KDM2B: variants seen among roughly 807,000 people sequenced by gnomAD.
KDM2B encodes lysine-specific demethylase 2B.
Under a neutral mutation model 150.0 loss-of-function variants are expected in KDM2B, and 26 were observed. The ratio of observed to expected loss-of-function variants is 0.17; its 90% CI spans 0.13 to 0.24. The LOEUF is 0.24. Among genes scored for constraint, KDM2B ranks in the 10% least tolerant of loss-of-function variants. The probability of loss-of-function intolerance (pLI) is 1.00; values close to 1 mark genes in which losing one functional copy is unlikely to be tolerated. For missense variants in KDM2B, 1,265 were observed against 1,816.9 expected, an observed-to-expected ratio of 0.70 and a Z score of 5.52; for synonymous variants, 734 against 729.5, an observed-to-expected ratio of 1.01 and a Z score of -0.10.
At chr12:121,550,424 C>G (rs1555311623) in intron 4 of KDM2B, among the ~76,000 whole-genome samples, 1 of 152,184 alleles carries the variant, frequency 6.6e-6, no homozygotes, top group African/African-American at 2.4e-5. Flanking sequence ...GTTAAACCAG[C>G]CAAAGGCCAC....
chr12:121,417,769 T>G, the KDM2B span: 27 of 1,614,108 alleles, frequency 1.7e-5, no homozygotes, highest in Non-Finnish European at 3.4e-6. The surrounding 1 kb of genome is among the most constrained non-coding windows in gnomAD (Gnocchi z 5.0). Flanking sequence ...ACAAGCAGTC[T>G]GAATTCTTCA....
At chr12:121,565,144 T>C (rs1184291347) in intron 4 of KDM2B, among the ~76,000 whole-genome samples, 1 of 151,712 alleles carries the variant, frequency 6.6e-6, no homozygotes, top group Non-Finnish European at 1.5e-5. Flanking sequence ...GAAAAGGAAA[T>C]CTTGGAAAAG....
chr12:121,444,800 C>T (rs1421227821), intron 14 of KDM2B: 10 of 541,828 alleles, frequency 1.8e-5, no homozygotes, highest in Middle Eastern at 5.1e-4. Flanking sequence ...CTGGTGCCCT[C>T]GGCCATAAAA....
chr12:121,440,980 G>A lies in KDM2B; in HGVS notation c.3449-3C>T. 1.9e-6 allele frequency: 3 copies of A among 1,613,272 alleles called. No individual in the cohort carries two copies. In the South Asian group the frequency reaches 3.3e-5, roughly 18 times the overall value. ...TGACAGCACCAAGTCCCGGAGCCCT[G>A]GGGGGACATAGAAAAGGGTGAAGGT... On this transcript the variant is annotated splice_region_variant and splice_polypyrimidine_tract_variant and intron_variant, in intron 20 of 22. Transcript: ENST00000377071.
intron 13 of KDM2B, among the ~76,000 whole-genome samples, chr12:121,450,210 AG>A (rs1357766435): frequency 6.6e-6 from 1 of 151,930 alleles, no homozygotes; most frequent in East Asian, 1.9e-4. Flanking sequence ...GCTACTTGGG[AG>A]GCTGAGGTAG....
intron 19 of KDM2B, among the ~76,000 whole-genome samples, chr12:121,441,647 G>C (rs1406059805): frequency 6.6e-6 from 1 of 152,118 alleles, no homozygotes; most frequent in African/African-American, 2.4e-5. Flanking sequence ...TTGTTGGCCA[G>C]GCTGGTCTTG....
chr12:121,477,579 CTTTTT>C, intron 12 of KDM2B, among the ~76,000 whole-genome samples: 1 of 134,782 alleles, frequency 7.4e-6, no homozygotes. Context: ...TTTGTCTTTC[CTTTTT>C]TTTTTTTTTG....
rs552283884 is a variant in KDM2B, at chr12:121,477,237, A to AT, written c.1734+17341dup. ...GGCACAAAGCCACCACACCAGGCTAATTTTTTTTATTTTTTGTGGAGGCAT... is the reference window on the plus strand; with the variant it reads ...GGCACAAAGCCACCACACCAGGCTAATTTTTTTTTATTTTTTGTGGAGGCAT... On this transcript the variant is annotated intron_variant, in intron 12 of 22. Coordinates refer to ENST00000377071, the MANE Select transcript of KDM2B (RefSeq NM_032590.5). Among the ~76,000 whole-genome samples, 6 of 151,856 alleles carry AT rather than the reference A, an allele frequency of 4.0e-5. No homozygotes were observed. The South Asian group carries it at 8.3e-4, about 21-fold the overall frequency.
the KDM2B span, chr12:121,420,072 A>C: frequency 5.4e-6 from 3 of 553,236 alleles, no homozygotes; most frequent in Non-Finnish European, 9.8e-6. Flanking sequence ...TAGGTTCTTC[A>C]TGCAATTTTG....
chr12:121,521,125 G>A lies in KDM2B; in HGVS notation c.932-25C>T. 1 of 1,545,216 alleles carries A rather than the reference G, an allele frequency of 6.5e-7. No homozygotes were observed. The highest frequency in any genetic ancestry group is 8.9e-7 in the Non-Finnish European group (1 of 1,117,936). On this transcript the variant is annotated intron_variant, in intron 8 of 22. Transcript: ENST00000377071. The surrounding 1 kb of genome is among the most constrained non-coding windows in gnomAD (Gnocchi z 4.9). The stretch of plus-strand genomic sequence containing the variant: ...CCTGGGGTGGGAAGGGCAAGGAGAG[G>A]ATGAGCCGCTGGCCCCTGTGGGCTC...
chr12:121,478,866 T>TGTGTGTGTGTGTGTGTG (rs1881709324), intron 12 of KDM2B, among the ~76,000 whole-genome samples: 5 of 131,216 alleles, frequency 3.8e-5, no homozygotes, highest in East Asian at 2.4e-4. Flanking sequence ...TTTTGTTTGT[T>TGTGTGTGTGTGTGTGTG]TGTGTGTGTG....
chr12:121,527,862 G>T (rs1337708061), intron 8 of KDM2B, among the ~76,000 whole-genome samples: 1 of 152,042 alleles, frequency 6.6e-6, no homozygotes, highest in African/African-American at 2.4e-5. Context: ...CACCTAGGCT[G>T]GCACAGCCAG....
At chr12:121,562,496 T>C (rs2136277852) in intron 4 of KDM2B, among the ~76,000 whole-genome samples, 2 of 152,066 alleles carry the variant, frequency 1.3e-5, no homozygotes, top group South Asian at 2.1e-4. Flanking sequence ...AAAAAAAGTC[T>C]GGGGACAAGT....
In KDM2B at chr12:121,551,715, G is replaced by A. The variant is rs140015322; in HGVS notation, c.398-2077C>T. 3.0e-3 allele frequency among the ~76,000 whole-genome samples: 452 copies of A among 152,150 alleles called. 5 individuals are homozygous for A. The highest frequency in any genetic ancestry group is 0.01 in the African/African-American group (434 of 41,510). On this transcript the variant is annotated intron_variant, in intron 4 of 22. Coordinates refer to ENST00000377071, the MANE Select transcript of KDM2B (RefSeq NM_032590.5). ...TTAAGGGCGTGCACCACCGCACCCG[G>A]CTCTTTTTCGTATTTTTAGTAGAGA...
At chr12:121,544,384 G>A (rs374267661) in intron 6 of KDM2B, among the ~76,000 whole-genome samples, 3 of 152,276 alleles carry the variant, frequency 2.0e-5, no homozygotes, top group East Asian at 3.9e-4. Flanking sequence ...GCCAAGGCAG[G>A]TGATCACCTG....
At chr12:121,528,936 T>C (rs1456034807) in intron 8 of KDM2B, among the ~76,000 whole-genome samples, 1 of 152,194 alleles carries the variant, frequency 6.6e-6, no homozygotes, top group Non-Finnish European at 1.5e-5. Flanking sequence ...ACCAATCCTG[T>C]TGACACTATT....
intron 12 of KDM2B, among the ~76,000 whole-genome samples, chr12:121,488,322 T>C (rs1282427177): frequency 6.6e-6 from 1 of 152,216 alleles, no homozygotes; most frequent in African/African-American, 2.4e-5. Flanking sequence ...AAAAGCCTTC[T>C]GGGTGGGCAG....
In KDM2B at chr12:121,580,252, T is replaced by TGG. The variant is rs375094381; in HGVS notation, c.126+532_126+533dup. On this transcript the variant is annotated intron_variant, in intron 1 of 22. Transcript: ENST00000377071. ...CCTAGGAAACCATTTTCAGCAGTTGTGGGGGGGGGGAGGCGTCGACGTCAT... is the reference window on the plus strand; with the variant it reads ...CCTAGGAAACCATTTTCAGCAGTTGTGGGGGGGGGGGGAGGCGTCGACGTCAT... 6.6e-5 allele frequency: 55 copies of TGG among 839,328 alleles called. No individual in the cohort carries two copies. The African/African-American group carries it at 1.1e-3, about 16-fold the overall frequency. The allele number at this position is 839,328 out of a possible 1,614,324, so 52.0% of individuals were successfully genotyped here.
intron 11 of KDM2B, among the ~76,000 whole-genome samples, chr12:121,505,113 T>A (rs1884942609): frequency 8.2e-6 from 1 of 122,124 alleles, no homozygotes. Context: ...CAAGACTCTG[T>A]CTCAAAAAAA....
Sources: allele counts gnomAD v4.1 joint callset (sites outside exome capture counted in the v4.1 genomes callset), GRCh38; gene constraint gnomAD v4.1.1; non-coding constraint Gnocchi (gnomAD v3.1); transcripts MANE v1.5; gene names NCBI Gene and HGNC (gene_info 2026-07-23, HGNC 2026-07-21).